EHBP1: variants seen among roughly 807,000 people sequenced by gnomAD.
EHBP1 encodes EH domain binding protein 1, also known as EH domain-binding protein 1.
A neutral mutation model predicts 144.0 loss-of-function variants in EHBP1; 55 were observed. The ratio of observed to expected loss-of-function variants is 0.38; its 90% CI spans 0.31 to 0.48. EHBP1 has a LOEUF of 0.48. Ranked by LOEUF, EHBP1 falls within the 20% of genes least tolerant of loss-of-function variation. The pLI is 0.98. For synonymous variants in EHBP1, 469 were observed against 472.7 expected (o/e 0.99, Z 0.10); for missense variants, 1,200 against 1,364.2 (o/e 0.88, Z 1.90).
intron 5 of EHBP1, among the ~76,000 whole-genome samples, chr2:62,788,394 G>A (rs1168822314): frequency 1.3e-5 from 2 of 151,388 alleles, no homozygotes; most frequent in Non-Finnish European, 2.9e-5. Flanking sequence ...AACTTTGATA[G>A]TATAGGTGGA....
At chr2:62,992,116 T>C (rs1403162634) in intron 16 of EHBP1, among the ~76,000 whole-genome samples, 2 of 152,166 alleles carry the variant, frequency 1.3e-5, no homozygotes, top group Non-Finnish European at 2.9e-5. Context: ...ATAAAAAGGT[T>C]TCTTAAGATG....
intron 3 of EHBP1, among the ~76,000 whole-genome samples, chr2:62,751,445 CT>C (rs1037298074): frequency 1.3e-5 from 2 of 152,072 alleles, no homozygotes; most frequent in East Asian, 3.9e-4. Flanking sequence ...CCAAAATTCT[CT>C]TTTTTTGCTG....
At chr2:62,945,992 C>T in intron 12 of EHBP1, among the ~76,000 whole-genome samples, 1 of 106,526 alleles carries the variant, frequency 9.4e-6, no homozygotes, top group South Asian at 3.4e-4. Context: ...AAGTGAAATG[C>T]TTCTTTTTCA....
chr2:62,729,476 AATATATATAAAT>A (rs1165297001), intron 2 of EHBP1, among the ~76,000 whole-genome samples: 1 of 114,728 alleles, frequency 8.7e-6, no homozygotes, highest in Non-Finnish European at 1.7e-5. Context: ...AATATATAAA[AATATATATAAAT>A]ATATAAATAT....
chr2:63,002,231 A>G (rs1042419578), intron 19 of EHBP1, among the ~76,000 whole-genome samples: 3 of 152,106 alleles, frequency 2.0e-5, no homozygotes, highest in African/African-American at 7.2e-5. Context: ...ATACCCGAAA[A>G]TGTTTTTTTG....
intron 9 of EHBP1, among the ~76,000 whole-genome samples, chr2:62,868,948 C>T (rs532046740): frequency 1.4e-4 from 21 of 151,690 alleles, no homozygotes; most frequent in East Asian, 9.7e-4. Context: ...TGTGAGACCT[C>T]GTCTCTAAAA....
intron 1 of EHBP1, among the ~76,000 whole-genome samples, chr2:62,694,225 T>C (rs915401847): frequency 1.3e-5 from 2 of 152,206 alleles, no homozygotes; most frequent in Non-Finnish European, 1.5e-5. Flanking sequence ...TTGGGCTAGA[T>C]TGCCATTGAA....
At chr2:62,947,069 C>T (rs1381664938) in intron 12 of EHBP1, among the ~76,000 whole-genome samples, 3 of 152,068 alleles carry the variant, frequency 2.0e-5, no homozygotes, top group Non-Finnish European at 2.9e-5. Context: ...GTTGTCAAGA[C>T]ACATGAAAAG....
At chr2:63,037,421 T>C (rs963117477) in intron 19 of EHBP1, 114 bp from the exon 20 acceptor site, 110 of 655,714 alleles carry the variant, frequency 1.7e-4, no homozygotes, top group Non-Finnish European at 1.1e-4. Flanking sequence ...AGCAGTTTAA[T>C]ATATAGTATT....
At chr2:63,010,252 G>A (rs2060213275) in intron 19 of EHBP1, among the ~76,000 whole-genome samples, 1 of 151,264 alleles carries the variant, frequency 6.6e-6, no homozygotes, top group African/African-American at 2.4e-5. Flanking sequence ...TAAAAACACT[G>A]AATCCAGAAT....
intron 10 of EHBP1, among the ~76,000 whole-genome samples, chr2:62,883,693 G>T (rs1295626969): frequency 6.6e-6 from 1 of 152,208 alleles, no homozygotes; most frequent in Admixed American, 6.5e-5. Flanking sequence ...GCCAGGCACA[G>T]TGGCTGATGC....
intron 2 of EHBP1, among the ~76,000 whole-genome samples, chr2:62,737,665 A>C (rs2038282777): frequency 6.6e-6 from 1 of 152,160 alleles, no homozygotes. Context: ...ACTTTTGAGG[A>C]ACTGCCAGAC....
intron 9 of EHBP1, among the ~76,000 whole-genome samples, chr2:62,871,610 TCTTA>T (rs1397206331): frequency 1.3e-5 from 2 of 152,184 alleles, no homozygotes; most frequent in African/African-American, 4.8e-5. Context: ...CAAAATTTGT[TCTTA>T]CTTCAATAAT....
chr2:62,844,023 G>A (rs1293611774), intron 7 of EHBP1, among the ~76,000 whole-genome samples: 1 of 152,078 alleles, frequency 6.6e-6, no homozygotes, highest in Non-Finnish European at 1.5e-5. Flanking sequence ...AAGTGCAATT[G>A]CATTATATCA....
At chr2:62,822,140 G>A (rs2046029971) in intron 5 of EHBP1, among the ~76,000 whole-genome samples, 1 of 152,058 alleles carries the variant, frequency 6.6e-6, no homozygotes, top group Non-Finnish European at 1.5e-5. Context: ...CTGAGTCTCA[G>A]AATATGTTTA....
chr2:62,727,248 C>T (rs2036908195), intron 2 of EHBP1, among the ~76,000 whole-genome samples: 1 of 152,114 alleles, frequency 6.6e-6, no homozygotes, highest in African/African-American at 2.4e-5. Flanking sequence ...CACCCAACTC[C>T]TGAATGTAAC....
At chr2:62,824,875 G>C (rs1464952045) in intron 5 of EHBP1, among the ~76,000 whole-genome samples, 1 of 151,796 alleles carries the variant, frequency 6.6e-6, no homozygotes. Context: ...AAACATAGGA[G>C]AAATAAAGAT....
chr2:62,824,871 A>T (rs2046237055), intron 5 of EHBP1, among the ~76,000 whole-genome samples: 1 of 151,962 alleles, frequency 6.6e-6, no homozygotes, highest in Admixed American at 6.6e-5. Flanking sequence ...TTTCAAACAT[A>T]GGAGAAATAA....
chr2:62,843,537 A>T (rs947477690), intron 7 of EHBP1, among the ~76,000 whole-genome samples: 1 of 152,110 alleles, frequency 6.6e-6, no homozygotes. Flanking sequence ...TTTTTATTTG[A>T]TATTACAGTT....
Sources: gnomAD v4.1 joint callset for allele counts (sites outside exome capture counted in the v4.1 genomes callset) on GRCh38, gnomAD v4.1.1 for gene constraint, MANE v1.5 for transcripts, NCBI Gene and HGNC (gene_info 2026-07-23, HGNC 2026-07-21) for gene names.